Variants in FAM13C observed in about 807,000 individuals in gnomAD.
The protein encoded by FAM13C is family with sequence similarity 13 member C, also known as protein FAM13C.
Under a neutral mutation model 73.2 loss-of-function variants are expected in FAM13C, and 37 were observed. The ratio of observed to expected loss-of-function variants is 0.51; its 90% confidence interval spans 0.39 to 0.67. The LOEUF is 0.67. Among genes scored for constraint, FAM13C ranks in the 30% least tolerant of loss-of-function variants. FAM13C has a pLI of 0.00. For synonymous variants in FAM13C, 246 were observed against 260.9 expected, an observed-to-expected ratio of 0.94 and a Z score of 0.55; for missense variants, 589 against 715.6, an observed-to-expected ratio of 0.82 and a Z score of 2.02.
chr10:59,322,244 A>T (rs1850418120), intron 4 of FAM13C, among the ~76,000 whole-genome samples: 1 of 152,152 alleles, frequency 6.6e-6, no homozygotes, highest in Non-Finnish European at 1.5e-5. Context: ...TGGTGATGTC[A>T]CCATGGTTGT....
chr10:59,303,238 A>G (rs1247686335), intron 4 of FAM13C, among the ~76,000 whole-genome samples: 1 of 152,202 alleles, frequency 6.6e-6, no homozygotes, highest in East Asian at 1.9e-4. Context: ...CCATGTATGC[A>G]TCGGCTCAGC....
chr10:59,345,963 C>T (rs1854239183), intron 3 of FAM13C, among the ~76,000 whole-genome samples: 1 of 152,188 alleles, frequency 6.6e-6, no homozygotes, highest in South Asian at 2.1e-4. Context: ...TTTAGACACA[C>T]TGCAAGAATA....
chr10:59,311,968 A>G (rs1848979537), intron 4 of FAM13C, among the ~76,000 whole-genome samples: 1 of 152,132 alleles, frequency 6.6e-6, no homozygotes, highest in Admixed American at 6.5e-5. Flanking sequence ...GAGGAACCTC[A>G]AGTAAGAAAG....
chr10:59,317,372 A>G (rs935321829), intron 4 of FAM13C, among the ~76,000 whole-genome samples: 2 of 152,132 alleles, frequency 1.3e-5, no homozygotes, highest in African/African-American at 4.8e-5. Context: ...CATTATTGAA[A>G]TTTCTCTTAA....
intron 3 of FAM13C, among the ~76,000 whole-genome samples, chr10:59,339,899 ATG>A (rs1209431392): frequency 2.0e-5 from 3 of 152,148 alleles, no homozygotes; most frequent in African/African-American, 7.2e-5. Context: ...GGATTATTTT[ATG>A]TGTGTGTGTG....
At chr10:59,267,522 G>T (rs1245063092) in intron 8 of FAM13C, among the ~76,000 whole-genome samples, 1 of 152,272 alleles carries the variant, frequency 6.6e-6, no homozygotes. Context: ...TCAACATCCT[G>T]ACTAAAGTTG....
At chr10:59,317,519 T>C (rs76619069) in intron 4 of FAM13C, among the ~76,000 whole-genome samples, 456 of 152,288 alleles carry the variant, frequency 3.0e-3, no homozygotes, top group Middle Eastern at 0.02. Flanking sequence ...ATGTTTCTTA[T>C]AGAAATTGTA....
At chr10:59,301,176 T>A (rs988907113) in intron 5 of FAM13C, 1 of 152,242 alleles carries the variant, frequency 6.6e-6, no homozygotes, top group Admixed American at 6.5e-5. Context: ...CAAGGTCTTT[T>A]CTGGTCTCCC....
At chr10:59,344,370 C>T (rs867054700) in intron 3 of FAM13C, among the ~76,000 whole-genome samples, 2 of 151,680 alleles carry the variant, frequency 1.3e-5, no homozygotes, top group South Asian at 2.1e-4. Flanking sequence ...GTTCCGCCCC[C>T]CAGGTTCACG....
chr10:59,356,002 C>A, intron 1 of FAM13C, 59 bp from the exon 2 acceptor site: 1 of 1,481,812 alleles, frequency 6.7e-7, no homozygotes. Flanking sequence ...GCAGTAGTAG[C>A]AATAATCTAG....
At chr10:59,269,449 C>CACACACA (rs1491071861) in intron 7 of FAM13C, among the ~76,000 whole-genome samples, 8 of 140,998 alleles carry the variant, frequency 5.7e-5, no homozygotes, top group African/African-American at 1.5e-4. Flanking sequence ...CACACACACA[C>CACACACA]ATTATTTGGA....
At chr10:59,353,406 C>G (rs1001068308) in intron 2 of FAM13C, among the ~76,000 whole-genome samples, 2 of 152,194 alleles carry the variant, frequency 1.3e-5, no homozygotes, top group Non-Finnish European at 2.9e-5. Context: ...TAACCTTAAT[C>G]TACCACAATC....
At chr10:59,290,591 G>T (rs564151903) in intron 5 of FAM13C, among the ~76,000 whole-genome samples, 4 of 151,952 alleles carry the variant, frequency 2.6e-5, no homozygotes, top group African/African-American at 9.7e-5. Flanking sequence ...GTTGTTTCTC[G>T]GCCAAGATCC....
At chr10:59,287,200 G>T (rs2133734369) in intron 5 of FAM13C, among the ~76,000 whole-genome samples, 1 of 151,394 alleles carries the variant, frequency 6.6e-6, no homozygotes, top group Admixed American at 6.6e-5. Flanking sequence ...AGCCGGGCAT[G>T]GTTGGGGGCG....
intron 3 of FAM13C, among the ~76,000 whole-genome samples, chr10:59,346,070 A>C (rs1223806656): frequency 1.3e-5 from 2 of 152,178 alleles, no homozygotes; most frequent in African/African-American, 4.8e-5. Flanking sequence ...AGTGCTTTCA[A>C]AGTCAATAAG....
chr10:59,268,508 C>A (rs1369607948), intron 8 of FAM13C, 45 bp downstream of exon 8: 2 of 1,604,830 alleles, frequency 1.2e-6, no homozygotes, highest in Non-Finnish European at 1.7e-6. Flanking sequence ...AGAATCCAGA[C>A]ACCTCTGACC....
intron 3 of FAM13C, among the ~76,000 whole-genome samples, chr10:59,344,355 T>A (rs1853978366): frequency 6.7e-6 from 1 of 150,244 alleles, no homozygotes; most frequent in Non-Finnish European, 1.5e-5. Context: ...CTCGGCTCAC[T>A]GCAAGTTCCG....
chr10:59,337,373 C>G (rs1028350762), intron 3 of FAM13C, among the ~76,000 whole-genome samples: 14 of 152,300 alleles, frequency 9.2e-5, no homozygotes, highest in Middle Eastern at 3.4e-3. Flanking sequence ...AGAAGTAAAG[C>G]TGGAGTGAGA....
At chr10:59,323,423 C>T (rs1850618790) in intron 4 of FAM13C, 1 of 156,658 alleles carries the variant, frequency 6.4e-6, no homozygotes, top group Non-Finnish European at 1.4e-5. Context: ...GCTAAGGTCA[C>T]TGGAAGACAC....
Sources: gnomAD v4.1 joint callset for allele counts (sites outside exome capture counted in the v4.1 genomes callset) on GRCh38, gnomAD v4.1.1 for gene constraint, MANE v1.5 for transcripts, NCBI Gene and HGNC (gene_info 2026-07-23, HGNC 2026-07-21) for gene names.